PRR12: variants seen among roughly 807,000 people sequenced by gnomAD.
PRR12 encodes the protein proline rich 12, also known as proline-rich protein 12.
A neutral mutation model predicts 138.0 loss-of-function variants in PRR12; 12 were observed. The ratio of observed to expected loss-of-function variants is 0.09; its 90% CI spans 0.06 to 0.14. The LOEUF (loss-of-function observed/expected upper bound fraction) is 0.14. Ranked by LOEUF, PRR12 falls within the 10% of genes least tolerant of loss-of-function variation. The probability of loss-of-function intolerance (pLI) is 1.00; values close to 1 mark genes in which losing one functional copy is unlikely to be tolerated. For synonymous variants in PRR12, 1,567 were observed against 1,291.7 expected, an observed-to-expected ratio of 1.21 and a Z score of -4.57; for missense variants, 2,692 against 2,861.3, an observed-to-expected ratio of 0.94 and a Z score of 1.35.
intron 11 of PRR12, 150 bp from the exon 12 acceptor site, chr19:49,624,694 C>T: frequency 1.7e-6 from 2 of 1,210,642 alleles, no homozygotes; most frequent in Non-Finnish European, 1.1e-6. Context: ...ACTGGTCAGG[C>T]CCAGCCTCCT....
chr19:49,623,573 A>G (rs56055089), intron 11 of PRR12, among the ~76,000 whole-genome samples: 48,421 of 151,666 alleles, frequency 0.32, 9,433 homozygotes, highest in African/African-American at 0.56. Flanking sequence ...CGGAGCTTGC[A>G]GTGAGCCAAG....
chr19:49,592,557 C>G (rs1161211078), intron 1 of PRR12, among the ~76,000 whole-genome samples: 1 of 151,990 alleles, frequency 6.6e-6, no homozygotes, highest in Non-Finnish European at 1.5e-5. Context: ...CACCTATCCC[C>G]AGCACCTCCC....
At chr19:49,621,707 G>A in intron 11 of PRR12, 85 bp downstream of exon 11, 1 of 1,124,192 alleles carries the variant, frequency 8.9e-7, no homozygotes, top group East Asian at 2.6e-5. Flanking sequence ...GTTGGCGGGG[G>A]TGATCCTTGG....
chr19:49,604,492 A>G (rs2080828423), intron 6 of PRR12, among the ~76,000 whole-genome samples: 1 of 152,122 alleles, frequency 6.6e-6, no homozygotes, highest in Admixed American at 6.6e-5. Context: ...AGCCTGGCCA[A>G]CATGATGAAA....
intron 11 of PRR12, among the ~76,000 whole-genome samples, chr19:49,624,342 T>G: frequency 6.7e-6 from 1 of 148,186 alleles, no homozygotes; most frequent in Admixed American, 6.7e-5. Flanking sequence ...GTGGTTAGGA[T>G]GGTGCTGAGA....
At position 49,595,603 on chromosome 19, in the gene PRR12, C is replaced by T. The variant is rs1482763240; in HGVS notation, c.1268C>T (p.Pro423Leu). ...ATPKCQSLGG[P>L]AAAYATGKAS... Reference sequence around the variant, plus strand: ...CCCAAATGTCAGAGCCTGGGTGGGCCAGCAGCCGCCTATGCCACTGGGAAG... The same window carrying T: ...CCCAAATGTCAGAGCCTGGGTGGGCTAGCAGCCGCCTATGCCACTGGGAAG... The change falls in exon 4 of 14, where the codon CCA (proline) becomes CTA (leucine). Residue 423 changes from proline to leucine, a missense_variant. Coordinates refer to ENST00000418929, the MANE Select transcript of PRR12 (RefSeq NM_020719.3). 2 of 1,606,774 alleles carry T rather than the reference C, an allele frequency of 1.2e-6. No individual in the cohort carries two copies. Among genetic ancestry groups the T allele is most frequent in the Non-Finnish European group, 1.7e-6 (2 of 1,177,642 alleles).
intron 6 of PRR12, among the ~76,000 whole-genome samples, chr19:49,604,392 C>T (rs1201641543): frequency 1.3e-5 from 2 of 150,972 alleles, no homozygotes; most frequent in Non-Finnish European, 2.9e-5. Context: ...ATATTGACAT[C>T]GTAGGCCAGG....
chr19:49,619,408 T>G (rs980766607), intron 9 of PRR12, among the ~76,000 whole-genome samples: 5 of 150,134 alleles, frequency 3.3e-5, no homozygotes, highest in Non-Finnish European at 5.9e-5. Flanking sequence ...GCTAATTTTG[T>G]ATTTTTAGTA....
Position 49,591,601 on chromosome 19 carries a change from CCCCTCCCT to C in PRR12, c.-38_-31del, listed in dbSNP as rs1206071124. ...GCGGCGGAGGAGAGCGCGCGCGCGC[CCCCTCCCT>C]CCCTCCCTCCCTCCCCCTCCCCCCA... On this transcript the variant is annotated 5_prime_UTR_variant, in exon 1 of 14. Transcript: ENST00000418929. 5.2e-5 allele frequency: 22 copies of C among 423,636 alleles called. No homozygotes were observed. Among genetic ancestry groups the C allele is most frequent in the Admixed American group, 1.0e-4 (2 of 19,414 alleles). 26.2% of individuals were successfully genotyped at this position (423,636 alleles called of 1,614,324 possible). A position where few individuals can be genotyped will look rare whatever the true frequency, so the allele number is the denominator to read the frequency against.
chr19:49,604,887 T>G (rs968645327), intron 6 of PRR12, among the ~76,000 whole-genome samples: 7 of 152,046 alleles, frequency 4.6e-5, no homozygotes, highest in Non-Finnish European at 7.4e-5. Flanking sequence ...GGGTCTCCCT[T>G]GTTGTCCAGG....
chr19:49,612,658 C>T (rs551381160), intron 6 of PRR12, among the ~76,000 whole-genome samples: 2 of 152,072 alleles, frequency 1.3e-5, no homozygotes, highest in African/African-American at 2.4e-5. Context: ...CCAATGGCTT[C>T]CTCAAGCTGC....
intron 9 of PRR12, among the ~76,000 whole-genome samples, chr19:49,617,513 C>T (rs986981083): frequency 6.6e-6 from 1 of 152,012 alleles, no homozygotes; most frequent in Non-Finnish European, 1.5e-5. Context: ...TGCCTGTAGT[C>T]CCAGCTACTC....
chr19:49,597,206 G>C lies in PRR12; in HGVS notation c.2871G>C (p.Gly957=), dbSNP rs184897638. The change falls in exon 4 of 14, where the codon GGG becomes GGC. Residue 957 remains glycine, a synonymous_variant. Coordinates refer to ENST00000418929, the MANE Select transcript of PRR12 (RefSeq NM_020719.3). The surrounding 1 kb of genome is among the most constrained non-coding windows in gnomAD (Gnocchi z 6.3). Reference sequence around the variant, plus strand: ...CCATGGAGGAGATGTTCGGTGGAGGGGCCGCGGACGACTACGGCAAGGCCG... The same window carrying C: ...CCATGGAGGAGATGTTCGGTGGAGGCGCCGCGGACGACTACGGCAAGGCCG... ...FPTMEEMFGG[G]AADDYGKAGP... is the part of the protein sequence containing the mutation. The C allele has an allele frequency of 9.5e-5, 148 of 1,563,798 alleles. No homozygotes were observed. The highest frequency in any genetic ancestry group is 1.2e-4 in the Non-Finnish European group (139 of 1,154,364).
In PRR12 at chr19:49,601,576, G is replaced by A. The variant is rs1285427308; in HGVS notation, c.4431G>A (p.Pro1477=). Residue 1477 remains proline (P), a synonymous_variant, in exon 6 of 14, where the codon CCG becomes CCA. Transcript: ENST00000418929. ...CTCAGCCTCCGCCACCCCCTCCGCC[G>A]CCACAGCCAGCCCTGCCCTCGCCAC... The part of the protein sequence containing the change: ...PQPQPPPPPP[P]PQPALPSPPP... 11 of 1,335,884 alleles carry A rather than the reference G, an allele frequency of 8.2e-6. No homozygotes were observed. The East Asian group carries it at 1.5e-4, about 18-fold the overall frequency. The allele number at this position is 1,335,884 out of a possible 1,614,324, so 82.8% of individuals were successfully genotyped here. A position where few individuals can be genotyped will look rare whatever the true frequency, so the allele number is the denominator to read the frequency against.
intron 5 of PRR12, among the ~76,000 whole-genome samples, chr19:49,601,222 G>A (rs1252779669): frequency 6.6e-6 from 1 of 152,076 alleles, no homozygotes; most frequent in Non-Finnish European, 1.5e-5. Context: ...CATTCAGGAA[G>A]AGGAGTTAAG....
Position 49,596,472 on chromosome 19 carries a change from G to A in PRR12, c.2137G>A (p.Gly713Ser). 2 of 1,611,178 alleles carry A rather than the reference G, an allele frequency of 1.2e-6. No individual in the cohort carries two copies. Among genetic ancestry groups the A allele is most frequent in the Admixed American group, 1.7e-5 (1 of 59,776 alleles). ...VIRTSASLDEGATAALELGLG... is the reference protein window; with the variant it reads ...VIRTSASLDESATAALELGLG... ...CCGCACCAGTGCCAGCCTGGATGAGGGTGCCACTGCGGCACTGGAGCTGGG... is the reference window on the plus strand; with the variant it reads ...CCGCACCAGTGCCAGCCTGGATGAGAGTGCCACTGCGGCACTGGAGCTGGG... Residue 713 changes from glycine (G) to serine (S), a missense_variant, in exon 4 of 14, where the codon GGT becomes AGT. Around this residue, in one of 11 missense-constraint regions of PRR12, gnomAD observed 840 missense variants for 689.8 expected, o/e 1.22. Coordinates refer to ENST00000418929, the MANE Select transcript of PRR12 (RefSeq NM_020719.3). The surrounding 1 kb of genome is among the most constrained non-coding windows in gnomAD (Gnocchi z 5.6).
Position 49,597,532 on chromosome 19 carries a change from C to G in PRR12, c.3197C>G (p.Ser1066Cys). The G allele has an allele frequency of 6.4e-7, 1 of 1,568,534 alleles. No individual in the cohort carries two copies. The highest frequency in any genetic ancestry group is 8.6e-7 in the Non-Finnish European group (1 of 1,159,228). The change falls in exon 4 of 14, where the codon TCT becomes TGT. Residue 1066 changes from serine to cysteine, a missense_variant. By Grantham distance (112) the Ser-to-Cys change is moderately radical. Coordinates refer to ENST00000418929, the MANE Select transcript of PRR12 (RefSeq NM_020719.3). This position sits in a 1 kb window ranked among gnomAD's most constrained non-coding sequence, Gnocchi z 6.3. ...GGCCTCACCTCGCCCATCTTCTGCT[C>G]TACCAAGCCAAAGAAGCTGCTCAAG... ...KGGLTSPIFC[S>C]TKPKKLLKTS...
Position 49,597,484 on chromosome 19 carries a change from C to T in PRR12, c.3149C>T (p.Ala1050Val), listed in dbSNP as rs1367360799. ...CCGCCTCCGCCACCGCCGCCTCCCG[C>T]GCCGGCCTCCGAACCCAAGGGTGGC... is the stretch of plus-strand genomic sequence containing the variant. ...PPPPPPPPPP[A>V]PASEPKGGLT... Residue 1050 changes from alanine to valine, a missense_variant, in exon 4 of 14, where the codon GCG becomes GTG. Coordinates refer to ENST00000418929, the MANE Select transcript of PRR12 (RefSeq NM_020719.3). The surrounding 1 kb of genome is among the most constrained non-coding windows in gnomAD (Gnocchi z 6.3). The T allele has an allele frequency of 2.6e-6, 4 of 1,546,970 alleles. No homozygotes were observed. The highest frequency in any genetic ancestry group is 2.4e-5 in the East Asian group (1 of 40,906).
intron 6 of PRR12, among the ~76,000 whole-genome samples, chr19:49,610,785 C>T (rs1306138336): frequency 2.0e-5 from 3 of 151,036 alleles, no homozygotes; most frequent in African/African-American, 7.3e-5. Flanking sequence ...CCTCGTGATC[C>T]GCCCGCCTTG....
Sources: gnomAD v4.1 joint callset for allele counts (sites outside exome capture counted in the v4.1 genomes callset) on GRCh38, gnomAD v4.1.1 for gene constraint, gnomAD v4.1.1 regional missense constraint, Gnocchi (gnomAD v3.1) non-coding constraint, MANE v1.5 for transcripts, NCBI Gene and HGNC (gene_info 2026-07-23, HGNC 2026-07-21) for gene names.